Variants in SMC5 observed in about 807,000 individuals in gnomAD.
The protein encoded by SMC5 is structural maintenance of chromosomes protein 5.
SMC5 carries 88 observed loss-of-function variants against 148.3 expected under a neutral mutation model. The observed-to-expected ratio is 0.59, with a 90% confidence interval of 0.50 to 0.71. The LOEUF (loss-of-function observed/expected upper bound fraction) is 0.71, where lower values mean the gene tolerates loss of function less well. SMC5 is among the 30% of genes least tolerant of loss of function. The pLI, the probability that SMC5 is intolerant of heterozygous loss-of-function variation, is 0.00. For missense variants in SMC5, 1,142 were observed against 1,298.9 expected, an observed-to-expected ratio of 0.88 and a Z score of 1.86; for synonymous variants, 421 against 432.8, an observed-to-expected ratio of 0.97 and a Z score of 0.34.
chr9:70,264,139 T>G (rs1284910578), intron 1 of SMC5, among the ~76,000 whole-genome samples, 165 bp from the exon 2 acceptor site: 2 of 152,242 alleles, frequency 1.3e-5, no homozygotes, highest in East Asian at 3.8e-4. Context: ...TCATTTCTTC[T>G]ATTGGTATTC....
In SMC5 at chr9:70,304,611, C is replaced by T. The variant is rs182113791; in HGVS notation, c.1465-636C>T. On this transcript the variant is annotated intron_variant, in intron 10 of 24. Transcript: ENST00000361138. ...CTGAGGCGCAGGAATTGCTTGAACC[C>T]GGGAGGCAGAGGTTGCAGTGAGCTG... Among the ~76,000 whole-genome samples, 1,342 of 152,176 alleles carry T rather than the reference C, an allele frequency of 8.8e-3. 11 individuals are homozygous for T. The highest frequency in any genetic ancestry group is 0.013 in the Non-Finnish European group (882 of 68,012).
In SMC5 at chr9:70,350,401, G is replaced by A. The variant is rs746278336; in HGVS notation, c.3095G>A (p.Arg1032Lys). 1 of 1,608,896 alleles carries A rather than the reference G, an allele frequency of 6.2e-7. No homozygotes were observed. Among genetic ancestry groups the A allele is most frequent in the Non-Finnish European group, 8.5e-7 (1 of 1,178,530 alleles). ...GGAATGGACCCAATCAATGAACGGA[G>A]AGTGTTTGAAATGGTTGTAAATACT... ...NQGMDPINER[R>K]VFEMVVNTAC... The change falls in exon 24 of 25, where the codon AGA becomes AAA. Residue 1032 changes from arginine (R) to lysine (K), a missense_variant. Transcript: ENST00000361138.
At chr9:70,322,713 G>A (rs900321082) in intron 15 of SMC5, among the ~76,000 whole-genome samples, 1 of 152,036 alleles carries the variant, frequency 6.6e-6, no homozygotes, top group African/African-American at 2.4e-5. Context: ...GTGGGCGCCT[G>A]TAATCCCAGC....
chr9:70,324,757 C>T (rs1371384561), intron 17 of SMC5, among the ~76,000 whole-genome samples: 1 of 152,218 alleles, frequency 6.6e-6, no homozygotes, highest in Non-Finnish European at 1.5e-5. Flanking sequence ...CTATGACCCC[C>T]ACTCAGGTTC....
At chr9:70,276,373 A>G (rs1044526615) in intron 3 of SMC5, among the ~76,000 whole-genome samples, 4 of 152,316 alleles carry the variant, frequency 2.6e-5, no homozygotes, top group East Asian at 1.9e-4. Context: ...CACCTATACT[A>G]TGATGTTAGC....
rs1587687883 is a variant in SMC5 at position 70,318,981 on chromosome 9, C to G, written c.2150+18C>G. 2 of 1,587,256 alleles carry G rather than the reference C, an allele frequency of 1.3e-6. No homozygotes were observed. The highest frequency in any genetic ancestry group is 2.2e-5 in the East Asian group (1 of 44,466). ...CTAGGAAGGTATCTTTTAGCCTATT[C>G]AGGGGGGAGAGCACAAATTACTGTA... On this transcript the variant is annotated intron_variant, in intron 15 of 24. Coordinates refer to ENST00000361138, the MANE Select transcript of SMC5 (RefSeq NM_015110.4).
At chr9:70,274,774 G>A (rs2034543255) in intron 3 of SMC5, among the ~76,000 whole-genome samples, 1 of 151,836 alleles carries the variant, frequency 6.6e-6, no homozygotes, top group Non-Finnish European at 1.5e-5. Flanking sequence ...TGGAATTTTA[G>A]CAGGTATACT....
chr9:70,313,674 A>G (rs1355563791), intron 11 of SMC5, among the ~76,000 whole-genome samples: 1 of 151,792 alleles, frequency 6.6e-6, no homozygotes, highest in East Asian at 1.9e-4. Context: ...ATTTTTTTGT[A>G]TTTTTAGTAG....
At chr9:70,301,329 G>A (rs1459950463) in intron 10 of SMC5, among the ~76,000 whole-genome samples, 1 of 152,180 alleles carries the variant, frequency 6.6e-6, no homozygotes, top group East Asian at 1.9e-4. Flanking sequence ...CACCAAGTCA[G>A]ATTAATAGCT....
chr9:70,344,640 A>T (rs967414256), intron 18 of SMC5: 2 of 152,170 alleles, frequency 1.3e-5, no homozygotes, highest in Admixed American at 6.5e-5. Flanking sequence ...TTAGGGTTCA[A>T]TGAGAGCTGA....
intron 17 of SMC5, among the ~76,000 whole-genome samples, chr9:70,333,233 T>A (rs2036268688): frequency 6.6e-6 from 1 of 152,204 alleles, no homozygotes; most frequent in African/African-American, 2.4e-5. Flanking sequence ...ATATAGAAAT[T>A]CATTGCGGCC....
intron 8 of SMC5, among the ~76,000 whole-genome samples, chr9:70,292,981 G>A (rs974095114): frequency 6.6e-6 from 1 of 151,898 alleles, no homozygotes; most frequent in Non-Finnish European, 1.5e-5. Context: ...GCCTAGTTTT[G>A]GTATTAGGAT....
At chr9:70,299,288 ATTAAATTTCACTTCATTGATAGCTT>A (rs2035291528) in intron 9 of SMC5, among the ~76,000 whole-genome samples, 1 of 152,104 alleles carries the variant, frequency 6.6e-6, no homozygotes, top group African/African-American at 2.4e-5. Flanking sequence ...GTGCATTATA[ATTAAATTTCACTTCATTGATAGCTT>A]TTAAAAAGCT....
chr9:70,344,996 CAATT>C (rs753754703), intron 18 of SMC5, among the ~76,000 whole-genome samples: 1 of 152,024 alleles, frequency 6.6e-6, no homozygotes, highest in East Asian at 1.9e-4. Flanking sequence ...TTCAAATCCT[CAATT>C]GATTTATTTT....
chr9:70,318,380 C>T lies in SMC5; in HGVS notation c.1807-134C>T, dbSNP rs2035863019. 1.2e-5 allele frequency: 8 copies of T among 657,734 alleles called. No homozygotes were observed. In the South Asian group the frequency reaches 1.6e-4, roughly 13 times the overall value. 40.7% of individuals were successfully genotyped at this position (657,734 alleles called of 1,614,324 possible). ...TCCAGCCTGGGTGACAGAGTGAGAC[C>T]CTGTCTAAAAAAAAAAAATGTATAT... On this transcript the variant is annotated intron_variant, in intron 13 of 24. Transcript: ENST00000361138.
At chr9:70,261,195 G>T (rs1442274116) in intron 1 of SMC5, among the ~76,000 whole-genome samples, 6 of 152,136 alleles carry the variant, frequency 3.9e-5, no homozygotes, top group Non-Finnish European at 2.9e-5. Flanking sequence ...AACCATTCAG[G>T]GGCCTGTATG....
intron 8 of SMC5, among the ~76,000 whole-genome samples, chr9:70,297,106 A>T (rs1357437183): frequency 6.6e-6 from 1 of 152,232 alleles, no homozygotes; most frequent in Non-Finnish European, 1.5e-5. Flanking sequence ...GATTTTTGGA[A>T]TGTTTGCATA....
At chr9:70,341,251 C>T (rs10868807) in intron 17 of SMC5, among the ~76,000 whole-genome samples, 32,138 of 152,124 alleles carry the variant, frequency 0.21, 3,535 homozygotes, top group South Asian at 0.28. Flanking sequence ...ACATATGCCA[C>T]CAAACAAACT....
intron 5 of SMC5, among the ~76,000 whole-genome samples, chr9:70,280,033 T>C (rs2034707810): frequency 6.6e-6 from 1 of 152,186 alleles, no homozygotes; most frequent in Non-Finnish European, 1.5e-5. Context: ...TTTTTTACCT[T>C]TGTCCACCAG....
Sources: allele counts gnomAD v4.1 joint callset (sites outside exome capture counted in the v4.1 genomes callset), GRCh38; gene constraint gnomAD v4.1.1; transcripts MANE v1.5; gene names NCBI Gene and HGNC (gene_info 2026-07-23, HGNC 2026-07-21).